LUZP1: variants seen among roughly 807,000 people sequenced by gnomAD.
LUZP1 encodes the protein leucine zipper protein 1.
A neutral mutation model predicts 71.3 loss-of-function variants in LUZP1; 25 were observed. The ratio of observed to expected loss-of-function variants is 0.35; its 90% CI spans 0.26 to 0.49. The LOEUF is 0.49. Ranked by LOEUF, LUZP1 falls within the 20% of genes least tolerant of loss-of-function variation. The pLI, the probability that LUZP1 is intolerant of heterozygous loss-of-function variation, is 0.99. For missense variants in LUZP1, 1,142 were observed against 1,300.8 expected (o/e 0.88, Z 1.88); for synonymous variants, 481 against 506.4 (o/e 0.95, Z 0.67).
intron 3 of LUZP1, among the ~76,000 whole-genome samples, chr1:23,098,036 C>T (rs1643902335): frequency 6.6e-6 from 1 of 152,122 alleles, no homozygotes; most frequent in Non-Finnish European, 1.5e-5. Flanking sequence ...GTATAAGGGC[C>T]CACTTGAAAT....
At chr1:23,109,998 T>G (rs1310526678) in intron 2 of LUZP1, among the ~76,000 whole-genome samples, 2 of 152,200 alleles carry the variant, frequency 1.3e-5, no homozygotes, top group Admixed American at 1.3e-4. Flanking sequence ...AGCACTATGC[T>G]TTATGTTTTA....
chr1:23,092,840 C>T (rs374301739), exon 4 of LUZP1: 14 of 1,613,794 alleles, frequency 8.7e-6, no homozygotes, highest in Admixed American at 1.7e-5. Context: ...GGTAGCGACT[C>T]AGCACTGAGG....
rs549541205 is a variant in LUZP1, at chr1:23,091,432, C to T, written c.2830G>A (p.Val944Met). Reference sequence around the variant, plus strand: ...TAGGCATTGCTATTGGTAGATTCCACGTTTTTACCTATTCGAGTTGGGGGG... The same window carrying T: ...TAGGCATTGCTATTGGTAGATTCCATGTTTTTACCTATTCGAGTTGGGGGG... Residue 944 changes from valine (V) to methionine (M), a missense_variant, in exon 4 of 5, where the codon GTG (valine) becomes ATG (methionine). Coordinates refer to ENST00000302291, the Ensembl canonical transcript of LUZP1. 36 of 1,614,128 alleles carry T rather than the reference C, an allele frequency of 2.2e-5. No homozygotes were observed. In the African/African-American group the frequency reaches 4.0e-4, roughly 18 times the overall value.
intron 2 of LUZP1, among the ~76,000 whole-genome samples, chr1:23,154,020 T>C (rs1300849794): frequency 6.6e-6 from 1 of 152,208 alleles, no homozygotes; most frequent in East Asian, 1.9e-4. Flanking sequence ...TGCTGATACA[T>C]GCAATAATGT....
chr1:23,163,531 G>A (rs1303838078), intron 2 of LUZP1, among the ~76,000 whole-genome samples: 4 of 139,070 alleles, frequency 2.9e-5, no homozygotes, highest in Non-Finnish European at 1.5e-5. Context: ...TCCAGATCGA[G>A]AGAAAGAGTG....
intron 2 of LUZP1, among the ~76,000 whole-genome samples, chr1:23,154,046 A>G (rs1236114869): frequency 6.6e-6 from 1 of 152,230 alleles, no homozygotes; most frequent in Non-Finnish European, 1.5e-5. Context: ...AACCTCAAAA[A>G]TACGATGCTA....
intron 2 of LUZP1, chr1:23,164,109 T>C (rs1166760902): frequency 6.6e-6 from 1 of 151,990 alleles, no homozygotes; most frequent in African/African-American, 2.4e-5. Context: ...GGAGGACCAA[T>C]GGTGGATTTA....
intron 1 of LUZP1, among the ~76,000 whole-genome samples, chr1:23,175,465 A>C (rs1370004964): frequency 6.6e-6 from 1 of 152,080 alleles, no homozygotes; most frequent in African/African-American, 2.4e-5. Context: ...TTTCCCCCCT[A>C]GTGTTTGCCT....
intron 2 of LUZP1, among the ~76,000 whole-genome samples, chr1:23,117,516 G>GC (rs1557654121): frequency 0.064 from 4,984 of 77,740 alleles, 502 homozygotes; most frequent in East Asian, 0.15. Flanking sequence ...CTGGGGGGGG[G>GC]GGCGGGGGGG....
intron 2 of LUZP1, among the ~76,000 whole-genome samples, chr1:23,129,194 C>G (rs1166256933): frequency 6.6e-6 from 1 of 152,154 alleles, no homozygotes; most frequent in Non-Finnish European, 1.5e-5. Context: ...AAATAATGAT[C>G]AAGATAGGAC....
At chr1:23,151,905 G>A (rs867793927) in intron 2 of LUZP1, among the ~76,000 whole-genome samples, 4 of 151,764 alleles carry the variant, frequency 2.6e-5, no homozygotes, top group Admixed American at 6.6e-5. Context: ...GGGAGGCTGA[G>A]GCAGGAGAAT....
intron 2 of LUZP1, among the ~76,000 whole-genome samples, chr1:23,120,390 GTCTC>G (rs150184220): frequency 4.6e-5 from 7 of 151,416 alleles, no homozygotes; most frequent in African/African-American, 9.7e-5. Context: ...ATGGAGACAG[GTCTC>G]TCTGTCACCC....
rs765106214 is a variant in LUZP1, at chr1:23,142,692, TATATATATACACAC to T, written c.-226+26060_-226+26073del. Among the ~76,000 whole-genome samples the T allele has an allele frequency of 5.8e-3, 464 of 80,092 alleles. 1 individual carries two copies. Among genetic ancestry groups the T allele is most frequent in the Non-Finnish European group, 8.1e-3 (345 of 42,844 alleles). 52.5% of individuals were successfully genotyped at this position (80,092 alleles called of 152,430 possible). A position where few individuals can be genotyped will look rare whatever the true frequency, so the allele number is the denominator to read the frequency against. On this transcript the variant is annotated intron_variant, in intron 2 of 4. Coordinates refer to ENST00000302291, the Ensembl canonical transcript of LUZP1. Reference sequence around the variant, plus strand: ...ATAAATGGTGGGTGCATAAAATATATATATATATACACACACACACACACACACACACACACACA... The same window carrying T: ...ATAAATGGTGGGTGCATAAAATATATACACACACACACACACACACACACA...
intron 2 of LUZP1, among the ~76,000 whole-genome samples, chr1:23,119,816 T>A (rs995501143): frequency 6.6e-6 from 1 of 152,208 alleles, no homozygotes; most frequent in Non-Finnish European, 1.5e-5. Context: ...TATGTATAAA[T>A]GGACTTATAT....
intron 2 of LUZP1, among the ~76,000 whole-genome samples, chr1:23,168,330 T>C (rs1569718352): frequency 8.9e-6 from 1 of 112,306 alleles, no homozygotes; most frequent in Non-Finnish European, 1.9e-5. Flanking sequence ...GGCCGCCTCG[T>C]CGCCCCCCGC....
intron 2 of LUZP1, among the ~76,000 whole-genome samples, chr1:23,149,276 A>G (rs1180087629): frequency 6.6e-6 from 1 of 151,970 alleles, no homozygotes; most frequent in Admixed American, 6.6e-5. Flanking sequence ...TAGCAAGTCA[A>G]ATCAATTATT....
At chr1:23,156,310 G>A (rs2124741105) in intron 2 of LUZP1, among the ~76,000 whole-genome samples, 1 of 152,182 alleles carries the variant, frequency 6.6e-6, no homozygotes, top group South Asian at 2.1e-4. Context: ...AACCCAGGAG[G>A]CAGAAGTTGC....
At position 23,093,197 on chromosome 1, in the gene LUZP1, A is replaced by T; in HGVS notation, c.1065T>A (p.Asn355Lys). 2 of 1,613,168 alleles carry T rather than the reference A, an allele frequency of 1.2e-6. No individual in the cohort carries two copies. Among genetic ancestry groups the T allele is most frequent in the Non-Finnish European group, 1.7e-6 (2 of 1,179,818 alleles). The change falls in exon 4 of 5, where the codon AAT (asparagine) becomes AAA (lysine). Residue 355 changes from asparagine to lysine, a missense_variant. Coordinates refer to ENST00000302291, the Ensembl canonical transcript of LUZP1. This position sits in a 1 kb window ranked among gnomAD's most constrained non-coding sequence, Gnocchi z 4.2. ...AAGCATCTTCCCCTTCTACCTCTCC[A>T]TTTTCTAACTCTTTCTGTTTCTTGA...
intron 4 of LUZP1, chr1:23,090,658 T>C (rs1437116551): frequency 3.4e-6 from 2 of 595,252 alleles, no homozygotes; most frequent in African/African-American, 1.9e-5. Context: ...GAATTGGGTA[T>C]ACGCTTATCT....
Sources: gnomAD v4.1 joint callset for allele counts (sites outside exome capture counted in the v4.1 genomes callset) on GRCh38, gnomAD v4.1.1 for gene constraint, Gnocchi (gnomAD v3.1) non-coding constraint, MANE v1.5 for transcripts, NCBI Gene and HGNC (gene_info 2026-07-23, HGNC 2026-07-21) for gene names.